The following HMCN1 variants were observed in gnomAD, a reference collection of about 807,000 sequenced individuals.
HMCN1 encodes the protein hemicentin-1.
Under a neutral mutation model 625.9 loss-of-function variants are expected in HMCN1, and 321 were observed. The ratio of observed to expected loss-of-function variants is 0.51; its 90% CI spans 0.47 to 0.56. HMCN1 has a LOEUF of 0.56. HMCN1 is among the 20% of genes least tolerant of loss of function. HMCN1 has a pLI of 0.00. For synonymous variants in HMCN1, 2,425 were observed against 2,417.6 expected (o/e 1.00, Z -0.09); for missense variants, 6,588 against 6,887.3 (o/e 0.96, Z 1.54).
chr1:185,761,271 CGTT>C (rs1553235153), intron 1 of HMCN1, among the ~76,000 whole-genome samples: 1 of 152,052 alleles, frequency 6.6e-6, no homozygotes, highest in South Asian at 2.1e-4. Flanking sequence ...AGAGCTTTTT[CGTT>C]GTTGTCTTTT....
rs377478076 is a variant in HMCN1 at position 185,987,526 on chromosome 1, G to A, written c.3030G>A (p.Pro1010=). 89 of 1,609,640 alleles carry A rather than the reference G, an allele frequency of 5.5e-5. 1 individual carries two copies. The highest frequency in any genetic ancestry group is 3.5e-4 in the Admixed American group (21 of 59,990). Residue 1010 remains proline (P), a synonymous_variant, in exon 20 of 107, where the codon CCG becomes CCA. Coordinates refer to ENST00000271588, the MANE Select transcript of HMCN1 (RefSeq NM_031935.3). ...LPCKASGNPK[P]SVIWSKKGEL... Reference sequence around the variant, plus strand: ...GCAAAGCAAGTGGAAATCCCAAACCGTCTGTCATCTGGTCCAAGGTAAATG... The same window carrying A: ...GCAAAGCAAGTGGAAATCCCAAACCATCTGTCATCTGGTCCAAGGTAAATG...
At chr1:185,742,917 T>C (rs1654083619) in intron 1 of HMCN1, among the ~76,000 whole-genome samples, 1 of 152,214 alleles carries the variant, frequency 6.6e-6, no homozygotes, top group Admixed American at 6.5e-5. Context: ...TCAGATATTT[T>C]AAATGTGTTA....
At position 185,865,812 on chromosome 1, in the gene HMCN1, C is replaced by T. The variant is rs746881505; in HGVS notation, c.570C>T (p.Ala190=). 5 of 1,612,404 alleles carry T rather than the reference C, an allele frequency of 3.1e-6. No homozygotes were observed. In the East Asian group the frequency reaches 8.9e-5, roughly 29 times the overall value. Residue 190 remains alanine (A), a synonymous_variant, in exon 4 of 107, where the codon GCC becomes GCT. Coordinates refer to ENST00000271588, the MANE Select transcript of HMCN1 (RefSeq NM_031935.3). ...HIGYKVYEEI[A]STSSGQVFHL... ...GATATAAAGTCTATGAAGAAATTGC[C>T]TCTACAAGTTCTGGTCAAGTGTTCC...
intron 48 of HMCN1, among the ~76,000 whole-genome samples, chr1:186,063,562 T>A (rs1657916100): frequency 6.6e-6 from 1 of 152,114 alleles, no homozygotes; most frequent in African/African-American, 2.4e-5. Flanking sequence ...GAAAAATTAT[T>A]CTGCTTCTAC....
intron 83 of HMCN1, among the ~76,000 whole-genome samples, 182 bp from the exon 84 acceptor site, chr1:186,129,784 A>G (rs1348408242): frequency 6.6e-6 from 1 of 152,162 alleles, no homozygotes; most frequent in African/African-American, 2.4e-5. Context: ...TCTTCAAACA[A>G]GTGTCTATAG....
rs1663711162 is a variant in HMCN1, at chr1:185,872,954, T to G, written c.621+7091T>G. On this transcript the variant is annotated intron_variant, in intron 4 of 106. Coordinates refer to ENST00000271588, the MANE Select transcript of HMCN1 (RefSeq NM_031935.3). ...AGAATGGACATCACTCATTAAAACT[T>G]CTTCCTAAAATACCAAAAAAGCACA... 5.3e-5 allele frequency among the ~76,000 whole-genome samples: 8 copies of G among 152,216 alleles called. 1 individual carries two copies. In the South Asian group the frequency reaches 1.7e-3, roughly 32 times the overall value.
intron 80 of HMCN1, among the ~76,000 whole-genome samples, chr1:186,121,774 A>G (rs1330747333): frequency 6.6e-6 from 1 of 152,216 alleles, no homozygotes; most frequent in Non-Finnish European, 1.5e-5. Flanking sequence ...AAGACTGGAT[A>G]AGATCACTAA....
At position 185,827,577 on chromosome 1, in the gene HMCN1, A is replaced by G. The variant is rs189156061; in HGVS notation, c.269-18449A>G. On this transcript the variant is annotated intron_variant, in intron 1 of 106. Transcript: ENST00000271588. ...GGAAAGTGAGCAAAATGAAAGAGAAATTTAAGAGTTTTAAAAGATTAGACA... is the reference window on the plus strand; with the variant it reads ...GGAAAGTGAGCAAAATGAAAGAGAAGTTTAAGAGTTTTAAAAGATTAGACA... Among the ~76,000 whole-genome samples the G allele has an allele frequency of 3.9e-5, 6 of 152,220 alleles. No individual in the cohort carries two copies. In the East Asian group the frequency reaches 1.2e-3, roughly 29 times the overall value.
At chr1:185,982,207 A>G in intron 17 of HMCN1, 55 bp from the exon 18 acceptor site, 1 of 1,593,136 alleles carries the variant, frequency 6.3e-7, no homozygotes, top group Non-Finnish European at 8.6e-7. Flanking sequence ...GAAGTGGCTT[A>G]CCTTTCTTTT....
At chr1:185,983,411 G>A (rs1651792348) in intron 18 of HMCN1, among the ~76,000 whole-genome samples, 1 of 151,684 alleles carries the variant, frequency 6.6e-6, no homozygotes, top group African/African-American at 2.4e-5. Context: ...GGGTGACAGA[G>A]CAAGACTCCG....
At chr1:186,109,370 A>T (rs1253024780) in intron 71 of HMCN1, among the ~76,000 whole-genome samples, 3 of 152,194 alleles carry the variant, frequency 2.0e-5, no homozygotes, top group Non-Finnish European at 4.4e-5. Context: ...AGTTACTAAC[A>T]TGCTAAATCA....
chr1:186,061,985 A>T, intron 47 of HMCN1, 21 bp downstream of exon 47: 1 of 1,453,368 alleles, frequency 6.9e-7, no homozygotes, highest in Non-Finnish European at 9.6e-7. Context: ...AGTTTGCAAT[A>T]TCTAGAAGAA....
chr1:185,950,318 T>G (rs1476705428), intron 11 of HMCN1, among the ~76,000 whole-genome samples: 1 of 151,016 alleles, frequency 6.6e-6, no homozygotes, highest in Non-Finnish European at 1.5e-5. Context: ...CTGTAGAGAG[T>G]GAGTTGAGCA....
intron 102 of HMCN1, among the ~76,000 whole-genome samples, chr1:186,172,891 A>G (rs552882031): frequency 6.6e-6 from 1 of 152,230 alleles, no homozygotes; most frequent in Non-Finnish European, 1.5e-5. Context: ...CTACAGGAAT[A>G]CCCAAGAGAG....
At chr1:186,040,277 AG>A (rs1362874926) in intron 39 of HMCN1, among the ~76,000 whole-genome samples, 1 of 152,174 alleles carries the variant, frequency 6.6e-6, no homozygotes, top group Non-Finnish European at 1.5e-5. Context: ...GAGACTACAC[AG>A]AGCATATATA....
At chr1:185,782,043 A>G (rs1657160237) in intron 1 of HMCN1, among the ~76,000 whole-genome samples, 1 of 152,202 alleles carries the variant, frequency 6.6e-6, no homozygotes, top group African/African-American at 2.4e-5. Flanking sequence ...TATTGGGTGC[A>G]TATATATTTA....
chr1:185,962,899 C>G (rs1045010772), intron 12 of HMCN1, among the ~76,000 whole-genome samples: 2 of 152,098 alleles, frequency 1.3e-5, no homozygotes, highest in Non-Finnish European at 2.9e-5. Flanking sequence ...GTACTTTGAG[C>G]TGCAAATGTA....
chr1:186,062,613 C>A lies in HMCN1; in HGVS notation c.7513+13C>A. 2 of 1,580,876 alleles carry A rather than the reference C, an allele frequency of 1.3e-6. No individual in the cohort carries two copies. Among genetic ancestry groups the A allele is most frequent in the Non-Finnish European group, 1.7e-6 (2 of 1,150,112 alleles). ...TGTGAAGTGACAGGTATGGGCTCAGCTCTCAGACTTTTGGTGCTCCCCCCA... is the reference window on the plus strand; with the variant it reads ...TGTGAAGTGACAGGTATGGGCTCAGATCTCAGACTTTTGGTGCTCCCCCCA... On this transcript the variant is annotated intron_variant, in intron 48 of 106. Coordinates refer to ENST00000271588, the MANE Select transcript of HMCN1 (RefSeq NM_031935.3).
chr1:185,923,060 CA>C (rs894299805), intron 7 of HMCN1, among the ~76,000 whole-genome samples: 1 of 151,988 alleles, frequency 6.6e-6, no homozygotes, highest in African/African-American at 2.4e-5. Flanking sequence ...AAAATTTGTT[CA>C]TTTATTTTTA....
Sources: gnomAD v4.1 joint callset for allele counts (sites outside exome capture counted in the v4.1 genomes callset) on GRCh38, gnomAD v4.1.1 for gene constraint, MANE v1.5 for transcripts, NCBI Gene and HGNC (gene_info 2026-07-23, HGNC 2026-07-21) for gene names.